The following ARHGEF28 variants were observed in gnomAD, a reference collection of about 807,000 sequenced individuals.
ARHGEF28 encodes the protein Rho guanine nucleotide exchange factor 28, also known as 190 kDa guanine nucleotide exchange factor.
ARHGEF28 carries 152 observed loss-of-function variants against 206.6 expected under a neutral mutation model. The observed-to-expected ratio is 0.74, with a 90% CI of 0.64 to 0.84. The LOEUF (loss-of-function observed/expected upper bound fraction) is 0.84, where lower values mean the gene tolerates loss of function less well. Ranked by LOEUF, ARHGEF28 falls within the 40% of genes least tolerant of loss-of-function variation. The probability of loss-of-function intolerance (pLI) is 0.00; values close to 1 mark genes in which losing one functional copy is unlikely to be tolerated. For synonymous variants in ARHGEF28, 763 were observed against 776.4 expected (o/e 0.98, Z 0.29); for missense variants, 2,028 against 2,073.2 (o/e 0.98, Z 0.42).
intron 9 of ARHGEF28, among the ~76,000 whole-genome samples, chr5:73,812,576 G>C (rs1374693025): frequency 6.6e-6 from 1 of 152,140 alleles, no homozygotes; most frequent in African/African-American, 2.4e-5. Flanking sequence ...ATATCTATGT[G>C]CCTATAGGAA....
chr5:73,852,989 C>T (rs1364749076), intron 14 of ARHGEF28, among the ~76,000 whole-genome samples: 1 of 152,190 alleles, frequency 6.6e-6, no homozygotes, highest in African/African-American at 2.4e-5. Flanking sequence ...AGAAAGACAA[C>T]ATGTTTTCTC....
Position 73,801,175 on chromosome 5 carries a change from G to C in ARHGEF28, c.1024+5784G>C, listed in dbSNP as rs201481356. Among the ~76,000 whole-genome samples, 96 of 152,300 alleles carry C rather than the reference G, an allele frequency of 6.3e-4. 2 individuals carry two copies. The East Asian group carries it at 0.015, about 24-fold the overall frequency. ...TTTAAAGAGGATCTTGGCCGGGCGC[G>C]GGGGCTCACGCCTGTAATCCCAGCA... is the stretch of plus-strand genomic sequence containing the variant. On this transcript the variant is annotated intron_variant, in intron 9 of 35. Transcript: ENST00000513042.
At chr5:73,657,013 T>C (rs1330663251) in intron 1 of ARHGEF28, among the ~76,000 whole-genome samples, 2 of 151,480 alleles carry the variant, frequency 1.3e-5, no homozygotes, top group Non-Finnish European at 2.9e-5. Flanking sequence ...TACTAAAAAA[T>C]ATATAAAAAA....
intron 31 of ARHGEF28, chr5:73,903,076 G>T (rs283624): frequency 0.59 from 89,955 of 152,116 alleles, 27,967 homozygotes; most frequent in African/African-American, 0.8. Flanking sequence ...CTATCAGAGG[G>T]GCTGCTTACG....
At chr5:73,897,916 A>G (rs1346779160) in intron 29 of ARHGEF28, 46 bp from the exon 30 acceptor site, 9 of 1,537,224 alleles carry the variant, frequency 5.9e-6, no homozygotes, top group Non-Finnish European at 7.9e-6. Flanking sequence ...TTAAATATAT[A>G]CCTATCTTTG....
intron 1 of ARHGEF28, among the ~76,000 whole-genome samples, chr5:73,639,344 G>A (rs1293684706): frequency 1.3e-5 from 2 of 151,040 alleles, no homozygotes; most frequent in African/African-American, 4.9e-5. Flanking sequence ...ATACAGATAT[G>A]TACAGAGAGA....
intron 9 of ARHGEF28, among the ~76,000 whole-genome samples, chr5:73,830,783 A>C (rs1028696031): frequency 6.6e-6 from 1 of 151,588 alleles, no homozygotes; most frequent in African/African-American, 2.4e-5. Flanking sequence ...TTTTTTGCTC[A>C]TGGTACTTCA....
chr5:73,916,156 A>C (rs1763200000), intron 35 of ARHGEF28, among the ~76,000 whole-genome samples: 1 of 152,108 alleles, frequency 6.6e-6, no homozygotes, highest in South Asian at 2.1e-4. Context: ...CCTATGCCAT[A>C]CTTAGTATTT....
chr5:73,717,906 T>A (rs1414704686), intron 2 of ARHGEF28, among the ~76,000 whole-genome samples: 1 of 152,158 alleles, frequency 6.6e-6, no homozygotes, highest in East Asian at 1.9e-4. Context: ...TGACAGAGTT[T>A]CACTCTGTCA....
At chr5:73,647,135 A>G (rs1338052594) in intron 1 of ARHGEF28, among the ~76,000 whole-genome samples, 1 of 152,258 alleles carries the variant, frequency 6.6e-6, no homozygotes, top group East Asian at 1.9e-4. Flanking sequence ...TAATGCCACA[A>G]GAGGAAAATT....
At chr5:73,748,765 T>C (rs1218718578) in intron 2 of ARHGEF28, among the ~76,000 whole-genome samples, 1 of 152,138 alleles carries the variant, frequency 6.6e-6, no homozygotes, top group Non-Finnish European at 1.5e-5. Context: ...CAGGTTTCCA[T>C]TTCCCCGCCA....
chr5:73,646,381 T>A (rs1744424622), intron 1 of ARHGEF28, among the ~76,000 whole-genome samples: 1 of 152,208 alleles, frequency 6.6e-6, no homozygotes, highest in African/African-American at 2.4e-5. Flanking sequence ...AGTAGGATCC[T>A]CAGTACCTCC....
At chr5:73,678,637 A>G (rs1324878024) in intron 1 of ARHGEF28, among the ~76,000 whole-genome samples, 1 of 152,152 alleles carries the variant, frequency 6.6e-6, no homozygotes, top group Non-Finnish European at 1.5e-5. Flanking sequence ...GTGTAAATAC[A>G]TAACTACATG....
At chr5:73,833,528 A>G (rs1757425964) in intron 10 of ARHGEF28, among the ~76,000 whole-genome samples, 1 of 152,012 alleles carries the variant, frequency 6.6e-6, no homozygotes, top group African/African-American at 2.4e-5. Context: ...TAACTGGTAT[A>G]GTTGTTTTGG....
At chr5:73,658,820 A>G (rs182473279) in intron 1 of ARHGEF28, among the ~76,000 whole-genome samples, 5 of 152,312 alleles carry the variant, frequency 3.3e-5, no homozygotes, top group Admixed American at 1.3e-4. Flanking sequence ...TGCTAGGCAC[A>G]TTCCACATCT....
Position 73,869,914 on chromosome 5 carries a change from AC to A in ARHGEF28, c.2426-154del, listed in dbSNP as rs200909038. ...CAGAGAGAAACTGTCTCAAAAAAAA[AC>A]AGATGTTTCACTCCATGTTAATATG... On this transcript the variant is annotated intron_variant, in intron 20 of 35. Coordinates refer to ENST00000513042, the MANE Select transcript of ARHGEF28 (RefSeq NM_001177693.2). 3.3e-3 allele frequency among the ~76,000 whole-genome samples: 504 copies of A among 152,162 alleles called. 3 individuals carry two copies. The highest frequency in any genetic ancestry group is 0.01 in the Middle Eastern group (3 of 294).
At chr5:73,720,294 C>A (rs977848059) in intron 2 of ARHGEF28, among the ~76,000 whole-genome samples, 1 of 152,068 alleles carries the variant, frequency 6.6e-6, no homozygotes, top group Non-Finnish European at 1.5e-5. Flanking sequence ...GAAGTATGGT[C>A]TTTCTCTTTA....
intron 7 of ARHGEF28, among the ~76,000 whole-genome samples, chr5:73,789,431 G>A (rs1580620024): frequency 1.3e-5 from 2 of 152,138 alleles, no homozygotes. Flanking sequence ...AATGTGGAGC[G>A]ATTGCTAATG....
chr5:73,815,145 T>A (rs1320720805), intron 9 of ARHGEF28, among the ~76,000 whole-genome samples: 3 of 151,876 alleles, frequency 2.0e-5, no homozygotes, highest in African/African-American at 7.3e-5. Context: ...AGTCGTATAT[T>A]AAAAGGCCAT....
Sources: allele counts gnomAD v4.1 joint callset (sites outside exome capture counted in the v4.1 genomes callset), GRCh38; gene constraint gnomAD v4.1.1; transcripts MANE v1.5; gene names NCBI Gene and HGNC (gene_info 2026-07-23, HGNC 2026-07-21).